The following DYNC1I1 variants were observed in gnomAD, a reference collection of about 807,000 sequenced individuals.
The protein encoded by DYNC1I1 is dynein cytoplasmic 1 intermediate chain 1.
Under a neutral mutation model 86.6 loss-of-function variants are expected in DYNC1I1, and 43 were observed. That is an observed-to-expected ratio of 0.50 (90% CI 0.39 to 0.64). The LOEUF is 0.64. DYNC1I1 is among the 30% of genes least tolerant of loss of function. The pLI, the probability that DYNC1I1 is intolerant of heterozygous loss-of-function variation, is 0.00. For missense variants in DYNC1I1, 604 were observed against 788.8 expected (o/e 0.77, Z 2.81); for synonymous variants, 262 against 283.7 (o/e 0.92, Z 0.77).
At chr7:96,038,042 A>C (rs1427962255) in intron 13 of DYNC1I1, among the ~76,000 whole-genome samples, 1 of 152,194 alleles carries the variant, frequency 6.6e-6, no homozygotes, top group Non-Finnish European at 1.5e-5. Flanking sequence ...GAGTCTCACC[A>C]GGGGCCACTT....
chr7:95,783,832 C>G (rs1436959717), intron 1 of DYNC1I1, among the ~76,000 whole-genome samples: 1 of 152,194 alleles, frequency 6.6e-6, no homozygotes, highest in Non-Finnish European at 1.5e-5. Flanking sequence ...GCAATCTTGA[C>G]AAGTTAACTT....
intron 14 of DYNC1I1, among the ~76,000 whole-genome samples, chr7:96,072,717 G>A (rs922071686): frequency 2.6e-5 from 4 of 152,144 alleles, no homozygotes; most frequent in Non-Finnish European, 4.4e-5. Flanking sequence ...AGAAATTTAT[G>A]TCTCATAAAT....
chr7:96,028,203 G>A lies in DYNC1I1; in HGVS notation c.998G>A (p.Arg333His), dbSNP rs376275541. 12 of 1,613,508 alleles carry A rather than the reference G, an allele frequency of 7.4e-6. No homozygotes were observed. The highest frequency in any genetic ancestry group is 1.3e-5 in the African/African-American group (1 of 74,806). The change falls in exon 11 of 17, where the codon CGT (arginine) becomes CAT (histidine). Residue 333 changes from arginine (R) to histidine (H), a missense_variant. Coordinates refer to ENST00000447467, the MANE Select transcript of DYNC1I1 (RefSeq NM_001135556.2). ...QSSVMSVCFA[R>H]FHPNLVVGGT... ...TCTGTGATGTCGGTCTGCTTCGCCC[G>A]TTTCCATCCTAACTTGGTGGTTGGT...
intron 6 of DYNC1I1, among the ~76,000 whole-genome samples, chr7:95,892,501 TG>T (rs950027163): frequency 6.6e-6 from 1 of 152,106 alleles, no homozygotes; most frequent in African/African-American, 2.4e-5. Flanking sequence ...TTAGTAGAGA[TG>T]GGGTTTCACT....
At chr7:95,922,439 G>T (rs920531259) in intron 6 of DYNC1I1, among the ~76,000 whole-genome samples, 1 of 152,054 alleles carries the variant, frequency 6.6e-6, no homozygotes, top group Admixed American at 6.6e-5. Flanking sequence ...AACCTATTTT[G>T]CTCGGTTTGC....
intron 5 of DYNC1I1, among the ~76,000 whole-genome samples, chr7:95,831,926 C>G (rs544754325): frequency 3.7e-4 from 57 of 152,106 alleles, no homozygotes; most frequent in African/African-American, 1.3e-3. Context: ...AAAATATTAT[C>G]TCCCATTCTA....
intron 5 of DYNC1I1, among the ~76,000 whole-genome samples, chr7:95,842,471 G>C (rs527471118): frequency 1.3e-5 from 2 of 152,226 alleles, no homozygotes; most frequent in Admixed American, 1.3e-4. Flanking sequence ...TCAATCAGAC[G>C]AATTCTTGGG....
intron 5 of DYNC1I1, among the ~76,000 whole-genome samples, chr7:95,850,015 G>C (rs926110591): frequency 8.5e-5 from 13 of 152,084 alleles, no homozygotes; most frequent in African/African-American, 3.1e-4. Context: ...TCAGTTCACT[G>C]TTAGTGTGTA....
chr7:95,949,862 A>G (rs2116475436), intron 6 of DYNC1I1, among the ~76,000 whole-genome samples: 1 of 152,338 alleles, frequency 6.6e-6, no homozygotes, highest in Admixed American at 6.5e-5. Flanking sequence ...CCAGATGTAC[A>G]GAGGTCTTCC....
At chr7:95,818,310 C>CT (rs34017535) in intron 4 of DYNC1I1, among the ~76,000 whole-genome samples, 102 of 138,572 alleles carry the variant, frequency 7.4e-4, no homozygotes, top group East Asian at 4.2e-3. Flanking sequence ...TTTTTTAAAT[C>CT]TTTTTTTTTT....
intron 6 of DYNC1I1, among the ~76,000 whole-genome samples, chr7:95,973,727 G>T: frequency 6.6e-6 from 1 of 152,040 alleles, no homozygotes; most frequent in East Asian, 1.9e-4. Flanking sequence ...TTTGGTCATG[G>T]TGTTTCTTTT....
At chr7:95,795,390 T>A (rs1171076863) in intron 1 of DYNC1I1, among the ~76,000 whole-genome samples, 1 of 152,246 alleles carries the variant, frequency 6.6e-6, no homozygotes, top group Non-Finnish European at 1.5e-5. Flanking sequence ...GATTATATAA[T>A]CCTTGAAGTT....
At chr7:95,869,101 G>A (rs1311184451) in intron 5 of DYNC1I1, among the ~76,000 whole-genome samples, 1 of 152,102 alleles carries the variant, frequency 6.6e-6, no homozygotes, top group Non-Finnish European at 1.5e-5. Flanking sequence ...TCTCTTAACG[G>A]AATCTCACTA....
At chr7:96,039,485 C>G in intron 14 of DYNC1I1, 64 bp downstream of exon 14, 1 of 1,603,904 alleles carries the variant, frequency 6.2e-7, no homozygotes, top group Non-Finnish European at 8.5e-7. Flanking sequence ...TTTTCATTCC[C>G]TGGAAACAGT....
intron 5 of DYNC1I1, among the ~76,000 whole-genome samples, chr7:95,869,160 GA>G (rs1000369673): frequency 4.5e-4 from 69 of 152,178 alleles, no homozygotes; most frequent in African/African-American, 1.6e-3. Context: ...ATACTTCATA[GA>G]GGTGTCATAA....
intron 6 of DYNC1I1, among the ~76,000 whole-genome samples, chr7:95,973,471 T>C (rs969324601): frequency 5.3e-5 from 8 of 152,226 alleles, no homozygotes; most frequent in African/African-American, 1.7e-4. Context: ...TCTCTGTTTT[T>C]CACAGTTTCT....
chr7:95,813,393 A>AAAAG, intron 4 of DYNC1I1, 56 bp downstream of exon 4: 2 of 1,512,594 alleles, frequency 1.3e-6, no homozygotes, highest in Non-Finnish European at 1.8e-6. Context: ...AAAAAAAAAA[A>AAAAG]CAGCAACAAC....
chr7:95,944,034 T>A (rs1172360798), intron 6 of DYNC1I1, among the ~76,000 whole-genome samples: 1 of 151,848 alleles, frequency 6.6e-6, no homozygotes, highest in Non-Finnish European at 1.5e-5. Flanking sequence ...GGGATCTAAT[T>A]AAACTAAAGA....
intron 5 of DYNC1I1, among the ~76,000 whole-genome samples, chr7:95,859,792 G>A (rs901399339): frequency 3.8e-4 from 58 of 152,296 alleles, no homozygotes; most frequent in African/African-American, 1.3e-3. Flanking sequence ...TGTAGGCTCA[G>A]TTTGCAAGTA....
Sources: gnomAD v4.1 joint callset for allele counts (sites outside exome capture counted in the v4.1 genomes callset) on GRCh38, gnomAD v4.1.1 for gene constraint, MANE v1.5 for transcripts, NCBI Gene and HGNC (gene_info 2026-07-23, HGNC 2026-07-21) for gene names.